GYPE: variants seen among roughly 807,000 people sequenced by gnomAD.
GYPE encodes the protein glycophorin E (MNS blood group).
Under a neutral mutation model 11.6 loss-of-function variants are expected in GYPE, and 8 were observed. The ratio of observed to expected loss-of-function variants is 0.69; its 90% CI spans 0.41 to 1.25. The LOEUF (loss-of-function observed/expected upper bound fraction) is 1.25, where lower values mean the gene tolerates loss of function less well. Among genes scored for constraint, GYPE ranks in the 50% most tolerant of loss-of-function variants. GYPE has a pLI of 0.01. For missense variants in GYPE, 90 were observed against 92.8 expected (o/e 0.97, Z 0.12); for synonymous variants, 28 against 29.6 (o/e 0.94, Z 0.18).
chr4:143,895,812 TA>T (rs1744607034), intron 1 of GYPE, among the ~76,000 whole-genome samples: 1 of 151,810 alleles, frequency 6.6e-6, no homozygotes, highest in Admixed American at 6.6e-5. Context: ...AACAGAGATA[TA>T]GATCAATGGA....
intron 1 of GYPE, among the ~76,000 whole-genome samples, chr4:143,898,356 G>A (rs1469461369): frequency 8.5e-5 from 13 of 152,268 alleles, no homozygotes; most frequent in African/African-American, 1.2e-4. Flanking sequence ...CAGCCTGGGC[G>A]ACAGAACGAG....
chr4:143,894,640 C>G (rs926891402), intron 1 of GYPE, among the ~76,000 whole-genome samples: 5 of 152,146 alleles, frequency 3.3e-5, no homozygotes, highest in Non-Finnish European at 4.4e-5. Flanking sequence ...GGGAATCCTC[C>G]CTAACTCATT....
At chr4:143,901,555 G>T (rs75929357) in intron 1 of GYPE, among the ~76,000 whole-genome samples, 1 of 151,656 alleles carries the variant, frequency 6.6e-6, no homozygotes, top group Non-Finnish European at 1.5e-5. Context: ...TACTAAAGAT[G>T]TGGATATGAT....
At chr4:143,875,096 C>T in intron 3 of GYPE, among the ~76,000 whole-genome samples, 1 of 152,112 alleles carries the variant, frequency 6.6e-6, no homozygotes, top group Non-Finnish European at 1.5e-5. Flanking sequence ...GGGTACTTGA[C>T]TGAATCTTGT....
At chr4:143,903,542 A>AG in intron 1 of GYPE, among the ~76,000 whole-genome samples, 1 of 149,122 alleles carries the variant, frequency 6.7e-6, no homozygotes, top group East Asian at 2.0e-4. Context: ...AAAAAAAAAA[A>AG]GAAAAAAAAA....
In GYPE at chr4:143,899,783, T is replaced by C. The variant is rs1188227627; in HGVS notation, c.37+5688A>G. On this transcript the variant is annotated intron_variant, in intron 1 of 3. Transcript: ENST00000358615. The stretch of plus-strand genomic sequence containing the variant: ...AAATAATAAAGGTGGACTCTTATCA[T>C]ACATCATACAGAAAAATTAACTGAT... 4.2e-5 allele frequency among the ~76,000 whole-genome samples: 4 copies of C among 95,656 alleles called. No individual in the cohort carries two copies. The Admixed American group carries it at 5.3e-4, about 13-fold the overall frequency. 62.8% of individuals were successfully genotyped at this position (95,656 alleles called of 152,430 possible). A position where few individuals can be genotyped will look rare whatever the true frequency, so the allele number is the denominator to read the frequency against.
chr4:143,880,648 T>C, intron 1 of GYPE, 139 bp from the exon 2 acceptor site: 1 of 1,323,536 alleles, frequency 7.6e-7, no homozygotes, highest in Non-Finnish European at 1.1e-6. Flanking sequence ...ACATAATCTT[T>C]AGAGAATTGC....
At chr4:143,878,783 T>G in intron 2 of GYPE, 1 of 396,706 alleles carries the variant, frequency 2.5e-6, no homozygotes, top group East Asian at 8.2e-5. Context: ...TAATCATATT[T>G]TGAGAGTTGT....
At chr4:143,890,427 T>G (rs1014883048) in intron 1 of GYPE, among the ~76,000 whole-genome samples, 2 of 152,206 alleles carry the variant, frequency 1.3e-5, no homozygotes, top group African/African-American at 4.8e-5. Context: ...TGAATGAAAA[T>G]AATTTCAATT....
chr4:143,892,318 G>C (rs1206842077), intron 1 of GYPE, among the ~76,000 whole-genome samples: 1 of 149,600 alleles, frequency 6.7e-6, no homozygotes, highest in Non-Finnish European at 1.5e-5. Flanking sequence ...CTTCAGTTCT[G>C]CTCTGATTTT....
Position 143,905,523 on chromosome 4 carries a change from T to G in GYPE, c.-16A>C. ...TTCCATACATCCTGAGATCACGAGC[T>G]GGCTCCTGAAGTTAGTGCAAAAAAA... is the stretch of plus-strand genomic sequence containing the variant. On this transcript the variant is annotated 5_prime_UTR_variant, in exon 1 of 4. Transcript: ENST00000358615. 6.2e-7 allele frequency: 1 copy of G among 1,613,254 alleles called. No homozygotes were observed. The highest frequency in any genetic ancestry group is 8.5e-7 in the Non-Finnish European group (1 of 1,179,350).
In GYPE at chr4:143,871,878, A is replaced by G. The variant is rs1380211919; in HGVS notation, c.*384T>C. The G allele has an allele frequency of 6.6e-6, 1 of 152,148 alleles. No homozygotes were observed. The highest frequency in any genetic ancestry group is 1.5e-5 in the Non-Finnish European group (1 of 68,036). The allele number at this position is 152,148 out of a possible 1,614,324, so 9.4% of individuals were successfully genotyped here. On this transcript the variant is annotated 3_prime_UTR_variant, in exon 4 of 4. Coordinates refer to ENST00000358615, the MANE Select transcript of GYPE (RefSeq NM_198682.3). Reference sequence around the variant, plus strand: ...GCTGAATTCCATCCATTTGGTGGGTAAGGACCTCAGAGTATTCAAAGTATC... The same window carrying G: ...GCTGAATTCCATCCATTTGGTGGGTGAGGACCTCAGAGTATTCAAAGTATC...
intron 1 of GYPE, among the ~76,000 whole-genome samples, chr4:143,882,175 A>T (rs1744044957): frequency 6.6e-6 from 1 of 152,154 alleles, no homozygotes; most frequent in African/African-American, 2.4e-5. Context: ...ATATGAATTC[A>T]CTAAATAGCA....
At chr4:143,892,260 G>A (rs1437403824) in intron 1 of GYPE, among the ~76,000 whole-genome samples, 1 of 152,004 alleles carries the variant, frequency 6.6e-6, no homozygotes, top group Non-Finnish European at 1.5e-5. Context: ...CAAAAAACCA[G>A]CTCCTGGGTT....
Position 143,872,090 on chromosome 4 carries a change from C to G in GYPE, c.*172G>C, listed in dbSNP as rs781241196. On this transcript the variant is annotated 3_prime_UTR_variant, in exon 4 of 4. Coordinates refer to ENST00000358615, the MANE Select transcript of GYPE (RefSeq NM_198682.3). ...ATTCTCTCTACGCCTTTGAGAGACT[C>G]AGCATTTAGTTTCTGACTCCTAGAG... 7.9e-5 allele frequency: 12 copies of G among 152,438 alleles called. No homozygotes were observed. Among genetic ancestry groups the G allele is most frequent in the Admixed American group, 7.9e-4 (12 of 15,262 alleles). 9.4% of individuals were successfully genotyped at this position (152,438 alleles called of 1,614,324 possible).
intron 1 of GYPE, among the ~76,000 whole-genome samples, chr4:143,885,582 CCTAA>C (rs1475998009): frequency 6.6e-6 from 1 of 152,074 alleles, no homozygotes; most frequent in African/African-American, 2.4e-5. Context: ...TAAAATTTGT[CCTAA>C]CTTAGACCAT....
intron 2 of GYPE, 37 bp from the exon 3 acceptor site, chr4:143,876,892 T>C: frequency 8.3e-7 from 1 of 1,199,926 alleles, no homozygotes; most frequent in East Asian, 2.3e-5. Context: ...ATTATGAAAG[T>C]CTGAAATAAA....
chr4:143,873,444 G>T (rs1383394700), intron 3 of GYPE: 2 of 455,596 alleles, frequency 4.4e-6, no homozygotes, highest in Non-Finnish European at 8.8e-6. Flanking sequence ...ATTTGCTTTT[G>T]TCAGAGCAAA....
At chr4:143,894,192 A>G (rs1744529192) in intron 1 of GYPE, among the ~76,000 whole-genome samples, 1 of 151,264 alleles carries the variant, frequency 6.6e-6, no homozygotes, top group Admixed American at 6.6e-5. Context: ...TGTATTGGTT[A>G]TTCTAGTTAT....
Sources: allele counts gnomAD v4.1 joint callset (sites outside exome capture counted in the v4.1 genomes callset), GRCh38; gene constraint gnomAD v4.1.1; transcripts MANE v1.5; gene names NCBI Gene and HGNC (gene_info 2026-07-23, HGNC 2026-07-21).